EPN1: variants seen among roughly 807,000 people sequenced by gnomAD.
The protein encoded by EPN1 is epsin-1.
Under a neutral mutation model 56.9 loss-of-function variants are expected in EPN1, and 25 were observed. That is an observed-to-expected ratio of 0.44 (90% CI 0.32 to 0.61). EPN1 has a LOEUF of 0.61. EPN1 is among the 20% of genes least tolerant of loss of function. The pLI, the probability that EPN1 is intolerant of heterozygous loss-of-function variation, is 0.05. For missense variants in EPN1, 785 were observed against 823.7 expected, an observed-to-expected ratio of 0.95 and a Z score of 0.58; for synonymous variants, 411 against 361.8, an observed-to-expected ratio of 1.14 and a Z score of -1.54.
At position 55,705,743 on chromosome 19, in the gene EPN1, C is replaced by T. The variant is rs1221444907; in HGVS notation, c.*10387C>T. On this transcript the variant is annotated 3_prime_UTR_variant, in exon 11 of 11. Transcript: ENST00000270460. ...TGAAAGTATCGAGAAAATGACATGT[C>T]AATCATAAGGTCAGGTTCTTCAACA... 2 of 150,438 alleles carry T rather than the reference C, an allele frequency of 1.3e-5. No individual in the cohort carries two copies. The highest frequency in any genetic ancestry group is 1.3e-4 in the Admixed American group (2 of 15,084). The allele number at this position is 150,438 out of a possible 1,614,324, so 9.3% of individuals were successfully genotyped here.
chr19:55,679,951 G>C (rs1018915160), intron 2 of EPN1, among the ~76,000 whole-genome samples: 2 of 152,192 alleles, frequency 1.3e-5, no homozygotes, highest in African/African-American at 4.8e-5. Flanking sequence ...GTGTGCAGAG[G>C]GGATGAATCC....
Position 55,678,824 on chromosome 19 carries a change from A to C in EPN1, c.197A>C (p.Asp66Ala). Residue 66 changes from aspartate to alanine, a missense_variant, in exon 2 of 11, where the codon GAC (aspartate) becomes GCC (alanine). Asp to Ala is a moderately radical substitution (Grantham distance 126). Transcript: ENST00000270460. ...IMSMIWKRLN[D>A]HGKNWRHVYK... is the part of the protein sequence containing the mutation. ...AGCATGATCTGGAAGCGGCTCAATG[A>C]CCATGGCAAGAACTGGCGTCACGTT... The C allele has an allele frequency of 6.2e-7, 1 of 1,613,232 alleles. No individual in the cohort carries two copies. The highest frequency in any genetic ancestry group is 1.1e-5 in the South Asian group (1 of 91,062).
chr19:55,675,718 G>T (rs1985359693), intron 1 of EPN1, among the ~76,000 whole-genome samples: 1 of 152,118 alleles, frequency 6.6e-6, no homozygotes. Flanking sequence ...TTGTGTGTCT[G>T]TCCCGGGTCT....
Position 55,704,023 on chromosome 19 carries a change from A to T in EPN1, c.*8667A>T, listed in dbSNP as rs1169001456. 6.6e-6 allele frequency: 1 copy of T among 152,250 alleles called. No individual in the cohort carries two copies. Among genetic ancestry groups the T allele is most frequent in the East Asian group, 1.9e-4 (1 of 5,170 alleles). 9.4% of individuals were successfully genotyped at this position (152,250 alleles called of 1,614,324 possible). A position where few individuals can be genotyped will look rare whatever the true frequency, so the allele number is the denominator to read the frequency against. On this transcript the variant is annotated 3_prime_UTR_variant, in exon 11 of 11. Coordinates refer to ENST00000270460, the MANE Select transcript of EPN1 (RefSeq NM_001130072.2). ...TCAACCGAGGTATTCAGTCCCTCGG[A>T]AACCCAGTTCCTCCGTTTCCAGGCT...
Position 55,695,715 on chromosome 19 carries a change from G to C in EPN1, c.*359G>C, listed in dbSNP as rs1986880293. The C allele has an allele frequency of 4.1e-6, 1 of 243,686 alleles. No individual in the cohort carries two copies. The highest frequency in any genetic ancestry group is 7.9e-6 in the Non-Finnish European group (1 of 126,158). The allele number at this position is 243,686 out of a possible 1,614,324, so 15.1% of individuals were successfully genotyped here. A position where few individuals can be genotyped will look rare whatever the true frequency, so the allele number is the denominator to read the frequency against. On this transcript the variant is annotated 3_prime_UTR_variant, in exon 11 of 11. Coordinates refer to ENST00000270460, the MANE Select transcript of EPN1 (RefSeq NM_001130072.2). The surrounding 1 kb of genome is among the most constrained non-coding windows in gnomAD (Gnocchi z 4.4). ...GCTCACGCACCCTCGGTGAATCCTT[G>C]GTGATGATTTTGGCAACTTTGGGAA... is the stretch of plus-strand genomic sequence containing the variant.
intron 2 of EPN1, among the ~76,000 whole-genome samples, chr19:55,684,146 CT>C (rs1320265406): frequency 1.3e-5 from 2 of 152,148 alleles, no homozygotes; most frequent in Non-Finnish European, 2.9e-5. Flanking sequence ...GTTAACACAC[CT>C]TTGAAAGGCC....
Position 55,708,757 on chromosome 19 carries a change from C to T in EPN1, c.*13401C>T. 1.9e-6 allele frequency: 1 copy of T among 529,854 alleles called. No homozygotes were observed. The highest frequency in any genetic ancestry group is 3.3e-6 in the Non-Finnish European group (1 of 300,286). The allele number at this position is 529,854 out of a possible 1,614,324, so 32.8% of individuals were successfully genotyped here. On this transcript the variant is annotated 3_prime_UTR_variant, in exon 11 of 11. Transcript: ENST00000270460. ...GACAATCAGCATGTACACTGAATCA[C>T]ACTCCATAATCATATTGCTAGAACA...
chr19:55,680,250 A>T (rs1294678499), intron 2 of EPN1, among the ~76,000 whole-genome samples: 1 of 152,092 alleles, frequency 6.6e-6, no homozygotes, highest in East Asian at 1.9e-4. Flanking sequence ...AGATGCACAT[A>T]TTTCATAACT....
At chr19:55,684,655 T>C (rs931313951) in intron 2 of EPN1, among the ~76,000 whole-genome samples, 11 of 152,156 alleles carry the variant, frequency 7.2e-5, no homozygotes, top group Non-Finnish European at 1.5e-4. Context: ...TCTCTTCCCT[T>C]CTTGCAGAGG....
chr19:55,689,231 C>T lies in EPN1; in HGVS notation c.604-66C>T. 3 of 1,286,118 alleles carry T rather than the reference C, an allele frequency of 2.3e-6. No homozygotes were observed. Among genetic ancestry groups the T allele is most frequent in the Non-Finnish European group, 3.3e-6 (3 of 907,716 alleles). 79.7% of individuals were successfully genotyped at this position (1,286,118 alleles called of 1,614,324 possible). ...TCTCTTTCTTCGGCTCTATCTGACC[C>T]TGGCTCTGCCTCTGACTCTGCCTCT... On this transcript the variant is annotated intron_variant, in intron 4 of 10. Transcript: ENST00000270460. This position sits in a 1 kb window ranked among gnomAD's most constrained non-coding sequence, Gnocchi z 5.7.
intron 7 of EPN1, 70 bp from the exon 8 acceptor site, chr19:55,692,616 G>A (rs1568577829): frequency 2.9e-6 from 3 of 1,039,696 alleles, no homozygotes; most frequent in Non-Finnish European, 4.1e-6. Flanking sequence ...AGATTTGGAG[G>A]CAATGGTCCT....
intron 7 of EPN1, among the ~76,000 whole-genome samples, chr19:55,692,294 A>C (rs990948368): frequency 9.1e-5 from 13 of 142,528 alleles, no homozygotes; most frequent in Non-Finnish European, 2.0e-4. Flanking sequence ...AGCTCAGCCG[A>C]GGGGCAGAGA....
Position 55,678,864 on chromosome 19 carries a change from C to T in EPN1, c.228+9C>T. 6.3e-7 allele frequency: 1 copy of T among 1,588,094 alleles called. No individual in the cohort carries two copies. The highest frequency in any genetic ancestry group is 8.6e-7 in the Non-Finnish European group (1 of 1,161,902). ...GGCGTCACGTTTACAAGGTCAGCAT[C>T]CTGCTCTCCTCCCCGGGCAGGTGCA... On this transcript the variant is annotated intron_variant, in intron 2 of 10. Coordinates refer to ENST00000270460, the MANE Select transcript of EPN1 (RefSeq NM_001130072.2).
At chr19:55,686,986 A>T (rs1364692436) in intron 3 of EPN1, among the ~76,000 whole-genome samples, 1 of 151,964 alleles carries the variant, frequency 6.6e-6, no homozygotes, top group Non-Finnish European at 1.5e-5. Flanking sequence ...ACGCCTTCCC[A>T]TCCTAGCTGC....
At position 55,678,472 on chromosome 19, in the gene EPN1, G is replaced by T. The variant is rs969553763; in HGVS notation, c.-101-55G>T. 49 of 1,476,764 alleles carry T rather than the reference G, an allele frequency of 3.3e-5. No homozygotes were observed. The African/African-American group carries it at 6.1e-4, about 19-fold the overall frequency. 91.5% of individuals were successfully genotyped at this position (1,476,764 alleles called of 1,614,324 possible). ...TAGGAACTCATCTTTGACCCTGAGG[G>T]CTCTGGGCAGGCCATGTCCCATTTG... On this transcript the variant is annotated intron_variant, in intron 1 of 10. Transcript: ENST00000270460.
rs200769683 is a variant in EPN1, at chr19:55,692,999, G to A, written c.1226G>A (p.Arg409Gln). Residue 409 changes from arginine (R) to glutamine (Q), a missense_variant, in exon 9 of 11, where the codon CGA (arginine) becomes CAA (glutamine). Coordinates refer to ENST00000270460, the MANE Select transcript of EPN1 (RefSeq NM_001130072.2). ...CCCGACGAGTTCTCTGACTTTGACCGACTCCGCACGGCACTGCCGACCTCC... is the reference window on the plus strand; with the variant it reads ...CCCGACGAGTTCTCTGACTTTGACCAACTCCGCACGGCACTGCCGACCTCC... Reference protein sequence around the residue: ...TEPDEFSDFDRLRTALPTSGS... With the variant: ...TEPDEFSDFDQLRTALPTSGS... 196 of 1,613,404 alleles carry A rather than the reference G, an allele frequency of 1.2e-4. 1 individual carries two copies. Among genetic ancestry groups the A allele is most frequent in the Admixed American group, 8.5e-4 (51 of 60,008 alleles).
intron 1 of EPN1, chr19:55,677,166 G>A (rs8106718): frequency 1.0e-5 from 16 of 1,551,070 alleles, no homozygotes; most frequent in African/African-American, 5.5e-5. Context: ...TCTTGGAGCC[G>A]CATAGATGGG....
rs1303919736 is a variant in EPN1, at chr19:55,701,411, T to A, written c.*6055T>A. ...TTGTAGTGAGCCGAGATTGCACTACTGCACTCCAGCCTGGGTGACAGAGTG... is the reference window on the plus strand; with the variant it reads ...TTGTAGTGAGCCGAGATTGCACTACAGCACTCCAGCCTGGGTGACAGAGTG... On this transcript the variant is annotated 3_prime_UTR_variant, in exon 11 of 11. Coordinates refer to ENST00000270460, the MANE Select transcript of EPN1 (RefSeq NM_001130072.2). The A allele has an allele frequency of 6.7e-6, 1 of 149,624 alleles. No individual in the cohort carries two copies. The highest frequency in any genetic ancestry group is 1.5e-5 in the Non-Finnish European group (1 of 67,776). The allele number at this position is 149,624 out of a possible 1,614,324, so 9.3% of individuals were successfully genotyped here. A position where few individuals can be genotyped will look rare whatever the true frequency, so the allele number is the denominator to read the frequency against.
In EPN1 at chr19:55,694,710, T is replaced by TC; in HGVS notation, c.1265-13dup. ...GCTGTCTGCCCTGTCTGAGCCCCTC[T>TC]CCCGGATCCTTCCAGGAGAGCTGGA... On this transcript the variant is annotated splice_polypyrimidine_tract_variant and intron_variant, in intron 9 of 10. Transcript: ENST00000270460. This position sits in a 1 kb window ranked among gnomAD's most constrained non-coding sequence, Gnocchi z 4.2. 1 of 1,547,174 alleles carries TC rather than the reference T, an allele frequency of 6.5e-7. No individual in the cohort carries two copies. The highest frequency in any genetic ancestry group is 8.7e-7 in the Non-Finnish European group (1 of 1,145,828).
Sources: allele counts gnomAD v4.1 joint callset (sites outside exome capture counted in the v4.1 genomes callset), GRCh38; gene constraint gnomAD v4.1.1; non-coding constraint Gnocchi (gnomAD v3.1); transcripts MANE v1.5; gene names NCBI Gene and HGNC (gene_info 2026-07-23, HGNC 2026-07-21).